The following ODF2L variants were observed in gnomAD, a reference collection of about 807,000 sequenced individuals.
The protein encoded by ODF2L is protein BCAP.
A neutral mutation model predicts 86.3 loss-of-function variants in ODF2L; 76 were observed. That is an observed-to-expected ratio of 0.88 (90% CI 0.73 to 1.07). The LOEUF is 1.07. Ranked by LOEUF, ODF2L falls within the 50% of genes least tolerant of loss-of-function variation. The pLI is 0.00. For synonymous variants in ODF2L, 241 were observed against 231.3 expected (o/e 1.04, Z -0.38); for missense variants, 748 against 717.4 (o/e 1.04, Z -0.49).
intron 1 of ODF2L, among the ~76,000 whole-genome samples, chr1:86,390,911 T>C (rs1280229422): frequency 1.3e-5 from 2 of 152,190 alleles, no homozygotes; most frequent in African/African-American, 4.8e-5. Context: ...TTGCTGATGG[T>C]ATGATTCTGT....
exon 8 of ODF2L, chr1:86,376,308 T>A (rs1660169883): frequency 6.2e-7 from 1 of 1,612,816 alleles, no homozygotes; most frequent in Non-Finnish European, 8.5e-7. Context: ...AAACTTTAGA[T>A]GCCTTTTTTA....
chr1:86,352,220 A>G, intron 17 of ODF2L: 2 of 1,499,582 alleles, frequency 1.3e-6, no homozygotes, highest in Non-Finnish European at 1.8e-6. Flanking sequence ...TGGAAAAAAC[A>G]CAGTATCATT....
chr1:86,375,349 T>G (rs1660095758), intron 8 of ODF2L, among the ~76,000 whole-genome samples: 1 of 152,166 alleles, frequency 6.6e-6, no homozygotes, highest in Non-Finnish European at 1.5e-5. Context: ...TAGGGAGTAT[T>G]ATGATGCCCT....
intron 13 of ODF2L, among the ~76,000 whole-genome samples, chr1:86,357,271 A>T (rs573096414): frequency 6.6e-6 from 1 of 152,312 alleles, no homozygotes; most frequent in African/African-American, 2.4e-5. Flanking sequence ...AAAAATAGCC[A>T]GACTCTTTCC....
At chr1:86,366,782 GCCC>G (rs1659474656) in intron 11 of ODF2L, among the ~76,000 whole-genome samples, 1 of 151,934 alleles carries the variant, frequency 6.6e-6, no homozygotes, top group African/African-American at 2.4e-5. Flanking sequence ...AAAGAAATCT[GCCC>G]CCAAAATTGA....
intron 7 of ODF2L, among the ~76,000 whole-genome samples, chr1:86,379,669 A>G (rs535912893): frequency 1.8e-4 from 28 of 152,306 alleles, no homozygotes; most frequent in African/African-American, 6.7e-4. Flanking sequence ...CCAAATTTTA[A>G]TTTACTAGAT....
intron 14 of ODF2L, chr1:86,355,389 C>G (rs1324773816): frequency 1.6e-5 from 25 of 1,518,918 alleles, no homozygotes; most frequent in Non-Finnish European, 2.2e-5. Flanking sequence ...AAAATCTGCT[C>G]TAAATAATGT....
Position 86,352,307 on chromosome 1 carries a change from T to C in ODF2L, c.1894-99A>G, listed in dbSNP as rs1214332100. The stretch of plus-strand genomic sequence containing the variant: ...TAATGCTAGCTTTCAGAATATTCTA[T>C]GCCAATTGACTGTTTCATGAGTATT... On this transcript the variant is annotated intron_variant, in intron 17 of 17. Transcript: ENST00000317336. The C allele has an allele frequency of 3.0e-6, 4 of 1,328,562 alleles. No homozygotes were observed. The East Asian group carries it at 8.6e-5, about 29-fold the overall frequency. The allele number at this position is 1,328,562 out of a possible 1,614,324, so 82.3% of individuals were successfully genotyped here.
At chr1:86,368,665 C>A in exon 11 of ODF2L, 1 of 1,447,612 alleles carries the variant, frequency 6.9e-7, no homozygotes, top group Non-Finnish European at 9.2e-7. Flanking sequence ...CAAAGCATAT[C>A]AAGAACAATC....
At chr1:86,360,454 T>C in exon 12 of ODF2L, 1 of 1,571,364 alleles carries the variant, frequency 6.4e-7, no homozygotes, top group Non-Finnish European at 8.7e-7. Context: ...AATAAGGGTT[T>C]TCTGTTTTTT....
chr1:86,365,132 T>C (rs918238879), intron 11 of ODF2L, among the ~76,000 whole-genome samples: 7 of 152,324 alleles, frequency 4.6e-5, no homozygotes, highest in East Asian at 3.9e-4. Context: ...ACTAATCTAG[T>C]TGTATGATCC....
At chr1:86,383,400 T>C (rs1467818674) in intron 4 of ODF2L, among the ~76,000 whole-genome samples, 1 of 151,832 alleles carries the variant, frequency 6.6e-6, no homozygotes, top group Non-Finnish European at 1.5e-5. Context: ...TTTACTAAAT[T>C]AATCTCAAAA....
chr1:86,361,188 G>A (rs1452154754), intron 11 of ODF2L, among the ~76,000 whole-genome samples: 1 of 152,106 alleles, frequency 6.6e-6, no homozygotes, highest in African/African-American at 2.4e-5. Flanking sequence ...GCTAACAGAA[G>A]GTACAAGATT....
chr1:86,382,205 C>T (rs531264974), intron 7 of ODF2L, 37 bp downstream of exon 7: 1 of 1,532,846 alleles, frequency 6.5e-7, no homozygotes, highest in Admixed American at 2.0e-5. Context: ...AATTTTATCA[C>T]TTAAGCTATA....
Position 86,385,594 on chromosome 1 carries a change from A to C in ODF2L, c.114-4T>G. 1 of 1,607,822 alleles carries C rather than the reference A, an allele frequency of 6.2e-7. No homozygotes were observed. Among genetic ancestry groups the C allele is most frequent in the South Asian group, 1.1e-5 (1 of 90,392 alleles). ...ATTTAGAATGTCCTGCTTCAGGCTA[A>C]TTACAAATGCACATACAAAATTTAA... On this transcript the variant is annotated splice_polypyrimidine_tract_variant and splice_region_variant and intron_variant, in intron 2 of 17. Transcript: ENST00000317336.
chr1:86,355,493 C>A, intron 14 of ODF2L: 1 of 639,056 alleles, frequency 1.6e-6, no homozygotes, highest in Non-Finnish European at 2.7e-6. Flanking sequence ...CTAGAAAAAT[C>A]TCTTCTCAGG....
downstream of ODF2L, chr1:86,348,358 TATC>T (rs1392292187): frequency 4.0e-5 from 6 of 151,414 alleles, no homozygotes; most frequent in Middle Eastern, 3.5e-3. Flanking sequence ...TACATTTATA[TATC>T]ATAATATAAA....
chr1:86,373,026 C>A (rs1659913359), intron 8 of ODF2L, among the ~76,000 whole-genome samples: 1 of 151,960 alleles, frequency 6.6e-6, no homozygotes. Flanking sequence ...GTACAGTGCT[C>A]GGGTGACAGG....
chr1:86,390,680 C>A (rs1325340220), intron 1 of ODF2L, among the ~76,000 whole-genome samples: 2 of 152,120 alleles, frequency 1.3e-5, no homozygotes, highest in African/African-American at 4.8e-5. Context: ...AAGAGACATA[C>A]CTCAATGTAA....
Sources: gnomAD v4.1 joint callset for allele counts (sites outside exome capture counted in the v4.1 genomes callset) on GRCh38, gnomAD v4.1.1 for gene constraint, MANE v1.5 for transcripts, NCBI Gene and HGNC (gene_info 2026-07-23, HGNC 2026-07-21) for gene names.